Variants in PAM observed in about 807,000 individuals in gnomAD.
PAM encodes peptidyl-glycine alpha-amidating monooxygenase.
PAM carries 72 observed loss-of-function variants against 122.1 expected under a neutral mutation model. The ratio of observed to expected loss-of-function variants is 0.59; its 90% CI spans 0.49 to 0.72. PAM has a LOEUF of 0.72. Ranked by LOEUF, PAM falls within the 30% of genes least tolerant of loss-of-function variation. The pLI, the probability that PAM is intolerant of heterozygous loss-of-function variation, is 0.00. For missense variants in PAM, 1,106 were observed against 1,183.7 expected, an observed-to-expected ratio of 0.93 and a Z score of 0.96; for synonymous variants, 389 against 404.4, an observed-to-expected ratio of 0.96 and a Z score of 0.46.
At chr5:103,020,992 TG>T (rs199959618) in intron 23 of PAM, among the ~76,000 whole-genome samples, 1 of 152,334 alleles carries the variant, frequency 6.6e-6, no homozygotes, top group East Asian at 1.9e-4. Context: ...ATATAATTAT[TG>T]GTAAGTTCTG....
At chr5:102,859,265 C>T (rs1160141974) in intron 1 of PAM, among the ~76,000 whole-genome samples, 1 of 151,588 alleles carries the variant, frequency 6.6e-6, no homozygotes, top group African/African-American at 2.4e-5. Context: ...CCCAGAAGAC[C>T]TTCTGGTGGG....
chr5:102,777,256 G>T (rs1173405942), intron 1 of PAM, among the ~76,000 whole-genome samples: 2 of 152,050 alleles, frequency 1.3e-5, no homozygotes, highest in Non-Finnish European at 2.9e-5. Flanking sequence ...AAATCTCATT[G>T]TTACTCATTG....
intron 22 of PAM, among the ~76,000 whole-genome samples, chr5:103,018,405 T>A (rs1782620647): frequency 6.6e-6 from 1 of 152,126 alleles, no homozygotes; most frequent in South Asian, 2.1e-4. Flanking sequence ...AGGGCTTGGA[T>A]CTCAATTAAT....
intron 1 of PAM, among the ~76,000 whole-genome samples, chr5:102,768,019 G>A (rs573046517): frequency 2.0e-5 from 3 of 152,178 alleles, no homozygotes; most frequent in East Asian, 1.9e-4. Context: ...TAAGCTCATC[G>A]ATGTAATGCA....
intron 1 of PAM, among the ~76,000 whole-genome samples, chr5:102,815,093 C>A (rs1769337547): frequency 6.6e-6 from 1 of 152,020 alleles, no homozygotes; most frequent in Non-Finnish European, 1.5e-5. Context: ...TTATTGCACC[C>A]CCACTGAATG....
intron 1 of PAM, among the ~76,000 whole-genome samples, chr5:102,862,607 G>A (rs1038216330): frequency 6.6e-6 from 1 of 152,136 alleles, no homozygotes; most frequent in Non-Finnish European, 1.5e-5. Context: ...AACGTTATCT[G>A]TCTTGATTAT....
chr5:102,896,776 AG>A lies in PAM; in HGVS notation c.211-4579del, dbSNP rs1230854519. On this transcript the variant is annotated intron_variant, in intron 3 of 25. Coordinates refer to ENST00000438793, the MANE Select transcript of PAM (RefSeq NM_001177306.2). ...GAAACAAGGATAGACTACATATAATAGTGATAGTTTAAGGAATTTTATCTGT... is the reference window on the plus strand; with the variant it reads ...GAAACAAGGATAGACTACATATAATATGATAGTTTAAGGAATTTTATCTGT... Among the ~76,000 whole-genome samples, 4 of 151,848 alleles carry A rather than the reference AG, an allele frequency of 2.6e-5. No homozygotes were observed. The East Asian group carries it at 7.8e-4, about 30-fold the overall frequency.
Position 103,017,219 on chromosome 5 carries a change from G to C in PAM, c.2332-115G>C. 3 of 722,118 alleles carry C rather than the reference G, an allele frequency of 4.2e-6. No homozygotes were observed. In the South Asian group the frequency reaches 5.4e-5, roughly 13 times the overall value. 44.7% of individuals were successfully genotyped at this position (722,118 alleles called of 1,614,324 possible). A position where few individuals can be genotyped will look rare whatever the true frequency, so the allele number is the denominator to read the frequency against. ...CTTCAATAGGAAATATTTTGCTTTG[G>C]TTTGAGTAATATGTTTTGTTGTTTT... is the stretch of plus-strand genomic sequence containing the variant. On this transcript the variant is annotated intron_variant, in intron 21 of 25. Transcript: ENST00000438793.
intron 1 of PAM, among the ~76,000 whole-genome samples, chr5:102,801,013 A>G (rs1313350184): frequency 6.6e-6 from 1 of 152,134 alleles, no homozygotes; most frequent in Non-Finnish European, 1.5e-5. Context: ...TATTTTATAT[A>G]CTTGCTGTTT....
intron 15 of PAM, among the ~76,000 whole-genome samples, chr5:102,981,815 A>G (rs1414317115): frequency 1.3e-5 from 2 of 152,218 alleles, no homozygotes; most frequent in African/African-American, 2.4e-5. Context: ...ATGAAGTGCA[A>G]TCTGAGATTC....
At chr5:102,850,484 T>C (rs1255815532) in intron 1 of PAM, among the ~76,000 whole-genome samples, 1 of 152,216 alleles carries the variant, frequency 6.6e-6, no homozygotes, top group Non-Finnish European at 1.5e-5. Flanking sequence ...TAAGTCCCTA[T>C]TAGAGGGCTG....
chr5:102,803,718 T>G (rs534590246), intron 1 of PAM, among the ~76,000 whole-genome samples: 8 of 152,190 alleles, frequency 5.3e-5, no homozygotes, highest in African/African-American at 9.7e-5. Context: ...TTTAAGCACC[T>G]TAGAAAAATA....
chr5:102,775,218 A>T (rs1469496988), intron 1 of PAM, among the ~76,000 whole-genome samples: 1 of 152,112 alleles, frequency 6.6e-6, no homozygotes, highest in African/African-American at 2.4e-5. Context: ...AATTTTTTTT[A>T]AAGCAAGGTT....
chr5:102,997,838 C>G (rs927990158), intron 16 of PAM, among the ~76,000 whole-genome samples: 32 of 152,170 alleles, frequency 2.1e-4, no homozygotes, highest in Non-Finnish European at 4.0e-4. Flanking sequence ...CAGAACAATG[C>G]CATTGATAGA....
chr5:102,958,655 T>A (rs1761561661), intron 12 of PAM, among the ~76,000 whole-genome samples: 1 of 152,282 alleles, frequency 6.6e-6, no homozygotes, highest in African/African-American at 2.4e-5. Flanking sequence ...CCAAATGATT[T>A]CTAAAGCATA....
intron 1 of PAM, among the ~76,000 whole-genome samples, chr5:102,858,454 A>G (rs1032856731): frequency 1.3e-5 from 2 of 152,196 alleles, no homozygotes; most frequent in Non-Finnish European, 2.9e-5. Context: ...GACAGCCCCT[A>G]CAACAAAGAA....
At position 103,009,323 on chromosome 5, in the gene PAM, T is replaced by A. The variant is rs528552711; in HGVS notation, c.2216-428T>A. ...TGTAACTTCACTTATTTTCTTTGAT[T>A]TTCTCTTGGATTCTCCATGTAGCTA... On this transcript the variant is annotated intron_variant, in intron 20 of 25. Coordinates refer to ENST00000438793, the MANE Select transcript of PAM (RefSeq NM_001177306.2). Among the ~76,000 whole-genome samples the A allele has an allele frequency of 5.2e-4, 79 of 152,284 alleles. 2 individuals are homozygous for A. In the South Asian group the frequency reaches 0.015, roughly 29 times the overall value.
At chr5:102,933,738 A>G (rs1303402947) in intron 7 of PAM, among the ~76,000 whole-genome samples, 6 of 152,242 alleles carry the variant, frequency 3.9e-5, no homozygotes, top group Admixed American at 2.6e-4. Flanking sequence ...GGAAGCTATT[A>G]GAAAAAGCTT....
In PAM at chr5:102,864,187, T is replaced by A. The variant is rs972951851; in HGVS notation, c.-373-1636T>A. Among the ~76,000 whole-genome samples the A allele has an allele frequency of 4.6e-3, 657 of 142,550 alleles. 5 individuals carry two copies. Among genetic ancestry groups the A allele is most frequent in the African/African-American group, 9.3e-3 (367 of 39,296 alleles). The allele number at this position is 142,550 out of a possible 152,430, so 93.5% of individuals were successfully genotyped here. A position where few individuals can be genotyped will look rare whatever the true frequency, so the allele number is the denominator to read the frequency against. Reference sequence around the variant, plus strand: ...TCATATATATATATATATATATATTTTTTTTTTTTTTAAAGAACTTCAGGG... The same window carrying A: ...TCATATATATATATATATATATATTATTTTTTTTTTTAAAGAACTTCAGGG... On this transcript the variant is annotated intron_variant, in intron 1 of 25. Coordinates refer to ENST00000438793, the MANE Select transcript of PAM (RefSeq NM_001177306.2).
Sources: gnomAD v4.1 joint callset for allele counts (sites outside exome capture counted in the v4.1 genomes callset) on GRCh38, gnomAD v4.1.1 for gene constraint, MANE v1.5 for transcripts, NCBI Gene and HGNC (gene_info 2026-07-23, HGNC 2026-07-21) for gene names.